The following CEP128 variants were observed in gnomAD, a reference collection of about 807,000 sequenced individuals.
The protein encoded by CEP128 is centrosomal protein 128.
A neutral mutation model predicts 156.7 loss-of-function variants in CEP128; 132 were observed. That is an observed-to-expected ratio of 0.84 (90% confidence interval 0.73 to 0.97). CEP128 has a LOEUF of 0.97. Among genes scored for constraint, CEP128 ranks in the 50% least tolerant of loss-of-function variants. The probability of loss-of-function intolerance (pLI) is 0.00; values close to 1 mark genes in which losing one functional copy is unlikely to be tolerated. For synonymous variants in CEP128, 469 were observed against 448.9 expected, an observed-to-expected ratio of 1.04 and a Z score of -0.57; for missense variants, 1,252 against 1,281.9, an observed-to-expected ratio of 0.98 and a Z score of 0.36.
chr14:80,820,765 C>T (rs1398216300), intron 13 of CEP128, among the ~76,000 whole-genome samples: 3 of 152,164 alleles, frequency 2.0e-5, no homozygotes, highest in Non-Finnish European at 4.4e-5. Flanking sequence ...GTTTACACTA[C>T]AGAACACTAG....
rs747739426 is a variant in CEP128 at position 80,567,277 on chromosome 14, G to A, written c.2857-7975C>T. 9.2e-5 allele frequency among the ~76,000 whole-genome samples: 14 copies of A among 152,170 alleles called. No homozygotes were observed. The South Asian group carries it at 1.2e-3, about 14-fold the overall frequency. On this transcript the variant is annotated intron_variant, in intron 20 of 24. Coordinates refer to ENST00000555265, the MANE Select transcript of CEP128 (RefSeq NM_152446.5). ...TTTGACATTGTTCAGGAAAGGCTGC[G>A]GTTGTATTTATATTGAAGTGGGGTA...
intron 14 of CEP128, among the ~76,000 whole-genome samples, chr14:80,484,555 AT>A (rs2140150409): frequency 6.6e-6 from 1 of 152,330 alleles, no homozygotes; most frequent in African/African-American, 2.4e-5. Flanking sequence ...AAGTCATGGT[AT>A]TGAGATCAGT....
At chr14:80,808,892 A>C (rs968277995) in intron 13 of CEP128, among the ~76,000 whole-genome samples, 9 of 152,226 alleles carry the variant, frequency 5.9e-5, no homozygotes, top group African/African-American at 1.9e-4. Context: ...CAAATTCAAA[A>C]AGTTGGAAAA....
At chr14:80,588,693 G>A (rs11850128) in intron 19 of CEP128, among the ~76,000 whole-genome samples, 7,551 of 151,978 alleles carry the variant, frequency 0.05, 609 homozygotes, top group African/African-American at 0.17. Context: ...TTTTAAAGAC[G>A]AATTATTACA....
At chr14:80,916,250 A>G (rs1884547621) in intron 3 of CEP128, 151 bp downstream of exon 3, 1 of 644,782 alleles carries the variant, frequency 1.6e-6, no homozygotes. Context: ...CTTCTGATGT[A>G]CAAGACCTTA....
intron 19 of CEP128, among the ~76,000 whole-genome samples, chr14:80,656,361 T>G (rs1425976926): frequency 1.1e-5 from 1 of 94,586 alleles, no homozygotes; most frequent in Non-Finnish European, 2.1e-5. Flanking sequence ...AAAAAACAAC[T>G]AATTCAAGCG....
chr14:80,723,572 T>C (rs1839154938), intron 19 of CEP128, among the ~76,000 whole-genome samples: 1 of 152,232 alleles, frequency 6.6e-6, no homozygotes, highest in South Asian at 2.1e-4. Flanking sequence ...GAGGGAAATC[T>C]AGCATAATGG....
intron 2 of CEP128, chr14:80,955,157 A>AT (rs1886587123): frequency 4.7e-6 from 1 of 211,782 alleles, no homozygotes. Context: ...TCTGCAGGAC[A>AT]TTGGTCCGCC....
intron 13 of CEP128, among the ~76,000 whole-genome samples, chr14:80,816,147 C>G (rs1884842751): frequency 6.6e-6 from 1 of 152,102 alleles, no homozygotes; most frequent in African/African-American, 2.4e-5. Context: ...TATTAAAAAT[C>G]TTGATAAGAA....
chr14:80,656,932 G>A (rs1895197065), intron 19 of CEP128, among the ~76,000 whole-genome samples: 1 of 152,156 alleles, frequency 6.6e-6, no homozygotes, highest in South Asian at 2.1e-4. Context: ...CTAGTTGGAA[G>A]TCCATTCATT....
intron 16 of CEP128, among the ~76,000 whole-genome samples, chr14:80,770,707 GT>G (rs1288791451): frequency 6.6e-6 from 1 of 151,992 alleles, no homozygotes; most frequent in Admixed American, 6.6e-5. Context: ...AGAGTATCTG[GT>G]TTAAATTTGC....
chr14:80,669,102 C>CA (rs149883852), intron 19 of CEP128, among the ~76,000 whole-genome samples: 5,959 of 152,154 alleles, frequency 0.039, 239 homozygotes, highest in East Asian at 0.22. Context: ...TATCCATATG[C>CA]AAAAGAGTGA....
intron 17 of CEP128, among the ~76,000 whole-genome samples, chr14:80,759,039 A>G (rs1899822927): frequency 6.6e-6 from 1 of 152,210 alleles, no homozygotes. Context: ...GACTAAAATA[A>G]GTACAGTGCA....
At chr14:80,495,282 G>A (rs935344107), downstream of CEP128, among the ~76,000 whole-genome samples, 3 of 152,132 alleles carry the variant, frequency 2.0e-5, no homozygotes, top group African/African-American at 4.8e-5. Context: ...AGCTATTAAT[G>A]TTTCCTTAGC....
chr14:80,650,737 T>C (rs530477661), intron 19 of CEP128, among the ~76,000 whole-genome samples: 7 of 152,308 alleles, frequency 4.6e-5, no homozygotes, highest in African/African-American at 1.2e-4. Flanking sequence ...TTTGCATATA[T>C]TGAATCAGCC....
intron 19 of CEP128, among the ~76,000 whole-genome samples, chr14:80,679,931 C>T (rs527444577): frequency 2.6e-4 from 40 of 152,222 alleles, no homozygotes; most frequent in South Asian, 6.2e-4. Context: ...CTCAGCTAGC[C>T]GACACTTAGG....
intron 19 of CEP128, among the ~76,000 whole-genome samples, chr14:80,711,249 C>A (rs897094218): frequency 6.6e-5 from 10 of 150,480 alleles, no homozygotes; most frequent in Non-Finnish European, 1.5e-4. Flanking sequence ...AAGAAAAAAA[C>A]CACTCCCTTT....
At chr14:80,510,329 T>A (rs551246695) in intron 23 of CEP128, among the ~76,000 whole-genome samples, 2 of 152,136 alleles carry the variant, frequency 1.3e-5, no homozygotes, top group East Asian at 3.9e-4. Context: ...ATTGTAGAGA[T>A]CTTTCACTAC....
chr14:80,614,154 T>C (rs1000557905), intron 19 of CEP128, among the ~76,000 whole-genome samples: 2 of 151,758 alleles, frequency 1.3e-5, no homozygotes, highest in Non-Finnish European at 2.9e-5. Flanking sequence ...AAGAAAAAAA[T>C]TGAGGTGGTT....
Sources: gnomAD v4.1 joint callset for allele counts (sites outside exome capture counted in the v4.1 genomes callset) on GRCh38, gnomAD v4.1.1 for gene constraint, MANE v1.5 for transcripts, NCBI Gene and HGNC (gene_info 2026-07-23, HGNC 2026-07-21) for gene names.